The following FRAS1 variants were observed in gnomAD, a reference collection of about 807,000 sequenced individuals.
FRAS1 encodes the protein Fraser extracellular matrix complex subunit 1.
Under a neutral mutation model 435.2 loss-of-function variants are expected in FRAS1, and 290 were observed. That is an observed-to-expected ratio of 0.67 (90% confidence interval 0.61 to 0.73). The LOEUF is 0.73. Among genes scored for constraint, FRAS1 ranks in the 30% least tolerant of loss-of-function variants. The pLI, the probability that FRAS1 is intolerant of heterozygous loss-of-function variation, is 0.00. For missense variants in FRAS1, 4,860 were observed against 5,001.5 expected (o/e 0.97, Z 0.85); for synonymous variants, 1,800 against 1,851.0 (o/e 0.97, Z 0.71).
intron 33 of FRAS1, among the ~76,000 whole-genome samples, chr4:78,421,181 CTT>C (rs1733776018): frequency 6.6e-6 from 1 of 152,020 alleles, no homozygotes; most frequent in Admixed American, 6.6e-5. Context: ...GAGTTTCGCT[CTT>C]GTCACCCAGG....
At chr4:78,518,524 A>C (rs1477014854) in intron 66 of FRAS1, among the ~76,000 whole-genome samples, 1 of 151,202 alleles carries the variant, frequency 6.6e-6, no homozygotes, top group African/African-American at 2.4e-5. Context: ...CTCCCCATTC[A>C]CACACACATA....
intron 18 of FRAS1, among the ~76,000 whole-genome samples, chr4:78,326,463 GGATA>G (rs1729721105): frequency 6.6e-6 from 1 of 152,126 alleles, no homozygotes; most frequent in Non-Finnish European, 1.5e-5. Context: ...GTGGGGTTGG[GGATA>G]GATAGTGAGT....
intron 31 of FRAS1, among the ~76,000 whole-genome samples, chr4:78,409,377 G>A (rs1347123891): frequency 6.6e-6 from 1 of 152,036 alleles, no homozygotes; most frequent in Non-Finnish European, 1.5e-5. Flanking sequence ...GGACAAAATT[G>A]TACTCAGAAG....
chr4:78,538,954 A>T (rs1407184556), intron 72 of FRAS1, among the ~76,000 whole-genome samples: 2 of 10,660 alleles, frequency 1.9e-4, no homozygotes, highest in African/African-American at 7.4e-4. Flanking sequence ...GACTCCATCT[A>T]AAAAAAAAAA....
At chr4:78,286,350 T>TG in intron 13 of FRAS1, 55 bp from the exon 14 acceptor site, 1 of 1,605,976 alleles carries the variant, frequency 6.2e-7, no homozygotes, top group Non-Finnish European at 8.5e-7. Context: ...GGGGGTGGTG[T>TG]CTTTCAGCTA....
intron 3 of FRAS1, among the ~76,000 whole-genome samples, chr4:78,240,926 T>C (rs1724975413): frequency 6.6e-6 from 1 of 151,930 alleles, no homozygotes; most frequent in Non-Finnish European, 1.5e-5. Context: ...GCCCAGAAAG[T>C]TTGTATTAAC....
chr4:78,364,820 T>C (rs1731200676), intron 22 of FRAS1, among the ~76,000 whole-genome samples: 1 of 152,184 alleles, frequency 6.6e-6, no homozygotes. Flanking sequence ...ACAAATATAG[T>C]GGTAGTATTT....
chr4:78,087,585 T>G (rs1437033430), intron 2 of FRAS1, among the ~76,000 whole-genome samples: 1 of 152,152 alleles, frequency 6.6e-6, no homozygotes, highest in African/African-American at 2.4e-5. Flanking sequence ...AATCTCAGGA[T>G]ACAAAACCAA....
At chr4:78,195,949 T>G (rs1487076668) in intron 2 of FRAS1, among the ~76,000 whole-genome samples, 1 of 32,522 alleles carries the variant, frequency 3.1e-5, no homozygotes, top group Non-Finnish European at 1.2e-4. Flanking sequence ...TCTTATTACT[T>G]TTTTTTTTTT....
At chr4:78,288,177 T>C (rs1188774789) in intron 14 of FRAS1, among the ~76,000 whole-genome samples, 1 of 152,220 alleles carries the variant, frequency 6.6e-6, no homozygotes, top group Non-Finnish European at 1.5e-5. Flanking sequence ...AGGTTCAAAG[T>C]GGGAACATAC....
chr4:78,357,579 C>T (rs919667129), intron 20 of FRAS1, among the ~76,000 whole-genome samples: 1 of 151,712 alleles, frequency 6.6e-6, no homozygotes, highest in African/African-American at 2.4e-5. Context: ...TGGTGGGGGG[C>T]CTGGGTCTGT....
rs796094475 is a variant in FRAS1 at position 78,371,083 on chromosome 4, GTTTTTTT to G, written c.2869+1100_2869+1106del. 3.4e-3 allele frequency among the ~76,000 whole-genome samples: 433 copies of G among 127,428 alleles called. 10 individuals carry two copies. In the Middle Eastern group the frequency reaches 0.039, roughly 11 times the overall value. 83.6% of individuals were successfully genotyped at this position (127,428 alleles called of 152,430 possible). The stretch of plus-strand genomic sequence containing the variant: ...CTCGAGACCACAGAATTTTTTTTCT[GTTTTTTT>G]GTTTTTTTTTTTTTTTGCCTTCTAA... On this transcript the variant is annotated intron_variant, in intron 23 of 73. Transcript: ENST00000512123.
rs907019927 is a variant in FRAS1 at position 78,542,198 on chromosome 4, A to G, written c.*1074A>G. 1.3e-5 allele frequency: 2 copies of G among 152,264 alleles called. No individual in the cohort carries two copies. The highest frequency in any genetic ancestry group is 2.4e-5 in the African/African-American group (1 of 41,472). The allele number at this position is 152,264 out of a possible 1,614,324, so 9.4% of individuals were successfully genotyped here. On this transcript the variant is annotated 3_prime_UTR_variant, in exon 74 of 74. Transcript: ENST00000512123. ...TTCTCCTTGCTGTGTGTGACACAGC[A>G]GACAGAGGCACTATTCCTGGTGCAG...
intron 29 of FRAS1, among the ~76,000 whole-genome samples, chr4:78,392,573 G>T (rs958188124): frequency 6.6e-6 from 1 of 151,874 alleles, no homozygotes; most frequent in Non-Finnish European, 1.5e-5. Context: ...ATATGGAATG[G>T]CTAAGCTTTA....
intron 47 of FRAS1, 87 bp from the exon 48 acceptor site, chr4:78,463,934 T>G: frequency 7.2e-7 from 1 of 1,390,182 alleles, no homozygotes. Context: ...ACTCTCTATC[T>G]GGTGAGAGTA....
intron 58 of FRAS1, among the ~76,000 whole-genome samples, chr4:78,484,422 T>G (rs920550753): frequency 9.2e-5 from 14 of 152,340 alleles, no homozygotes; most frequent in Middle Eastern, 3.4e-3. Context: ...GTTTTTTGTC[T>G]TTTTGTTCTG....
At chr4:78,190,435 C>T (rs75350068) in intron 2 of FRAS1, among the ~76,000 whole-genome samples, 6,768 of 152,082 alleles carry the variant, frequency 0.045, 309 homozygotes, top group African/African-American at 0.11. Context: ...TTCTTCATTT[C>T]CCCCATTCAC....
At chr4:78,233,797 T>A (rs530913588) in intron 2 of FRAS1, among the ~76,000 whole-genome samples, 1 of 152,364 alleles carries the variant, frequency 6.6e-6, no homozygotes, top group African/African-American at 2.4e-5. Context: ...CTCCAGAGCC[T>A]GAGTCCTTAG....
chr4:78,410,314 GATT>G lies in FRAS1; in HGVS notation c.4308+2487_4308+2489del, dbSNP rs1168824643. On this transcript the variant is annotated intron_variant, in intron 31 of 73. Transcript: ENST00000512123. Reference sequence around the variant, plus strand: ...TTAAAAATAATAAAAAATACTTTATGATTATTATTATTATTAAAAAGACTACCC... The same window carrying G: ...TTAAAAATAATAAAAAATACTTTATGATTATTATTATTAAAAAGACTACCC... 4.0e-5 allele frequency among the ~76,000 whole-genome samples: 6 copies of G among 151,308 alleles called. No homozygotes were observed. In the East Asian group the frequency reaches 1.2e-3, roughly 29 times the overall value.
Sources: allele counts gnomAD v4.1 joint callset (sites outside exome capture counted in the v4.1 genomes callset), GRCh38; gene constraint gnomAD v4.1.1; transcripts MANE v1.5; gene names NCBI Gene and HGNC (gene_info 2026-07-23, HGNC 2026-07-21).